THSD7B: variants seen among roughly 807,000 people sequenced by gnomAD.
THSD7B encodes the protein thrombospondin type-1 domain-containing protein 7B.
Under a neutral mutation model 213.6 loss-of-function variants are expected in THSD7B, and 138 were observed. The observed-to-expected ratio is 0.65, with a 90% CI of 0.56 to 0.74. The LOEUF is 0.74. Ranked by LOEUF, THSD7B falls within the 30% of genes least tolerant of loss-of-function variation. THSD7B has a pLI of 0.00. For missense variants in THSD7B, 1,931 were observed against 1,991.5 expected (o/e 0.97, Z 0.58); for synonymous variants, 742 against 687.0 (o/e 1.08, Z -1.25).
intron 12 of THSD7B, among the ~76,000 whole-genome samples, chr2:137,388,186 A>C (rs1385941802): frequency 6.6e-6 from 1 of 151,968 alleles, no homozygotes; most frequent in East Asian, 1.9e-4. Flanking sequence ...AGGCTTTTTC[A>C]TAATAGTACA....
chr2:137,616,729 G>A (rs1682394487), intron 18 of THSD7B, among the ~76,000 whole-genome samples: 1 of 152,132 alleles, frequency 6.6e-6, no homozygotes, highest in South Asian at 2.1e-4. Flanking sequence ...CTTTCTGTAT[G>A]GGTCTGAATA....
intron 12 of THSD7B, among the ~76,000 whole-genome samples, chr2:137,317,647 A>G (rs1684154529): frequency 6.6e-6 from 1 of 152,176 alleles, no homozygotes; most frequent in African/African-American, 2.4e-5. Context: ...CTGGCGATAT[A>G]ATTATGCCTA....
chr2:137,221,449 C>G (rs918719718), intron 7 of THSD7B, among the ~76,000 whole-genome samples: 1 of 152,030 alleles, frequency 6.6e-6, no homozygotes, highest in Non-Finnish European at 1.5e-5. Flanking sequence ...ACCCATAGAA[C>G]TATACAACTA....
intron 1 of THSD7B, among the ~76,000 whole-genome samples, chr2:136,779,935 A>G (rs1681707709): frequency 2.0e-5 from 3 of 152,170 alleles, no homozygotes; most frequent in African/African-American, 7.2e-5. Flanking sequence ...CTTGTGGAAG[A>G]GAAAGAGTCT....
intron 1 of THSD7B, among the ~76,000 whole-genome samples, chr2:136,838,594 A>G (rs974904433): frequency 2.0e-5 from 3 of 152,264 alleles, no homozygotes; most frequent in South Asian, 2.1e-4. Flanking sequence ...TCGCTTTTAC[A>G]TATTCAGCTT....
At chr2:136,978,901 GT>G (rs372005062) in intron 2 of THSD7B, among the ~76,000 whole-genome samples, 5,997 of 141,756 alleles carry the variant, frequency 0.042, 139 homozygotes, top group South Asian at 0.081. Flanking sequence ...GTACTTCAGT[GT>G]TTTTTTTTTT....
At chr2:137,288,307 A>G (rs1432201122) in intron 12 of THSD7B, among the ~76,000 whole-genome samples, 1 of 152,076 alleles carries the variant, frequency 6.6e-6, no homozygotes, top group Admixed American at 6.6e-5. Context: ...AAAAATTTAC[A>G]TGGTGAGAAA....
At position 137,222,336 on chromosome 2, in the gene THSD7B, A is replaced by G. The variant is rs113026997; in HGVS notation, c.1724-8708A>G. Among the ~76,000 whole-genome samples the G allele has an allele frequency of 3.5e-3, 538 of 152,278 alleles. 7 individuals are homozygous for G. The highest frequency in any genetic ancestry group is 0.012 in the African/African-American group (511 of 41,566). ...GCAGAACTGAAATCCAGACGTCCCAACTACTCATCAACTATTCTGTCCATT... is the reference window on the plus strand; with the variant it reads ...GCAGAACTGAAATCCAGACGTCCCAGCTACTCATCAACTATTCTGTCCATT... On this transcript the variant is annotated intron_variant, in intron 7 of 27. Transcript: ENST00000409968.
At chr2:137,072,101 G>T (rs1410489309) in intron 3 of THSD7B, among the ~76,000 whole-genome samples, 1 of 152,050 alleles carries the variant, frequency 6.6e-6, no homozygotes, top group South Asian at 2.1e-4. Flanking sequence ...CTCTTTTTTG[G>T]TTCCATATGA....
At position 137,364,476 on chromosome 2, in the gene THSD7B, G is replaced by A. The variant is rs10427351; in HGVS notation, c.2501-41137G>A. Among the ~76,000 whole-genome samples, 1,499 of 152,300 alleles carry A rather than the reference G, an allele frequency of 9.8e-3. 29 individuals are homozygous for A. Among genetic ancestry groups the A allele is most frequent in the African/African-American group, 0.035 (1,449 of 41,552 alleles). On this transcript the variant is annotated intron_variant, in intron 12 of 27. Transcript: ENST00000409968. ...AATTGTCCCTTTTTGCAGATGACATGATTGTATATTTAGAAAACCCCATCA... is the reference window on the plus strand; with the variant it reads ...AATTGTCCCTTTTTGCAGATGACATAATTGTATATTTAGAAAACCCCATCA...
chr2:137,223,839 C>T (rs187359724), intron 7 of THSD7B, among the ~76,000 whole-genome samples: 1 of 152,180 alleles, frequency 6.6e-6, no homozygotes, highest in Admixed American at 6.5e-5. Flanking sequence ...ATTCCCCTTG[C>T]TCTTCTCTTG....
chr2:137,160,488 G>C (rs1021041053), intron 6 of THSD7B, 120 bp downstream of exon 6: 1 of 1,300,762 alleles, frequency 7.7e-7, no homozygotes, highest in African/African-American at 1.5e-5. Flanking sequence ...TAGATAACCA[G>C]CTCAAGCCTA....
intron 3 of THSD7B, among the ~76,000 whole-genome samples, chr2:137,076,729 C>T (rs1001504685): frequency 6.6e-6 from 1 of 151,686 alleles, no homozygotes; most frequent in African/African-American, 2.4e-5. Flanking sequence ...GCCATCTTGG[C>T]TCCTCCCCTC....
intron 12 of THSD7B, among the ~76,000 whole-genome samples, chr2:137,312,952 G>T (rs1683958329): frequency 1.3e-5 from 2 of 149,916 alleles, no homozygotes; most frequent in South Asian, 4.3e-4. Flanking sequence ...TGGAATAGGT[G>T]TGGTGTGGTG....
intron 1 of THSD7B, among the ~76,000 whole-genome samples, chr2:136,825,844 G>A (rs550099966): frequency 2.2e-4 from 33 of 151,762 alleles, no homozygotes; most frequent in South Asian, 1.2e-3. Context: ...GAGCATTCAC[G>A]TCTGGCTAGA....
intron 15 of THSD7B, among the ~76,000 whole-genome samples, chr2:137,539,414 G>T (rs952347663): frequency 9.2e-5 from 14 of 151,636 alleles, no homozygotes; most frequent in Non-Finnish European, 1.5e-4. Context: ...CTGTTTGGTT[G>T]TTAGGAGGCA....
intron 10 of THSD7B, among the ~76,000 whole-genome samples, chr2:137,265,388 C>T (rs947472222): frequency 6.6e-6 from 1 of 152,180 alleles, no homozygotes; most frequent in Non-Finnish European, 1.5e-5. Context: ...AGTTCAACCA[C>T]TGTGGAAGTC....
intron 12 of THSD7B, among the ~76,000 whole-genome samples, chr2:137,400,848 C>G (rs1056640950): frequency 3.3e-5 from 5 of 152,078 alleles, no homozygotes; most frequent in African/African-American, 1.2e-4. Context: ...TGTGCTGTGT[C>G]CTGGAGCAGG....
At chr2:137,210,035 T>C (rs1681066080) in intron 7 of THSD7B, among the ~76,000 whole-genome samples, 3 of 151,336 alleles carry the variant, frequency 2.0e-5, no homozygotes, top group Admixed American at 1.3e-4. Context: ...AGCTGCCATC[T>C]GCAAGCCATA....
Sources: gnomAD v4.1 joint callset for allele counts (sites outside exome capture counted in the v4.1 genomes callset) on GRCh38, gnomAD v4.1.1 for gene constraint, MANE v1.5 for transcripts, NCBI Gene and HGNC (gene_info 2026-07-23, HGNC 2026-07-21) for gene names.